Variants in GLIPR2 observed in about 807,000 individuals in gnomAD.
The protein encoded by GLIPR2 is GLI pathogenesis related 2.
Under a neutral mutation model 20.4 loss-of-function variants are expected in GLIPR2, and 21 were observed. The ratio of observed to expected loss-of-function variants is 1.03; its 90% confidence interval spans 0.73 to 1.48. The LOEUF is 1.48. Among genes scored for constraint, GLIPR2 ranks in the 40% most tolerant of loss-of-function variants. The probability of loss-of-function intolerance (pLI) is 0.00; values close to 1 mark genes in which losing one functional copy is unlikely to be tolerated. For missense variants in GLIPR2, 205 were observed against 200.1 expected, an observed-to-expected ratio of 1.02 and a Z score of -0.15; for synonymous variants, 91 against 80.5, an observed-to-expected ratio of 1.13 and a Z score of -0.70.
chr9:36,147,967 G>A lies in GLIPR2; in HGVS notation c.122+73G>A, dbSNP rs1563882437. 3.7e-6 allele frequency: 3 copies of A among 800,142 alleles called. No homozygotes were observed. The Admixed American group carries it at 5.1e-5, about 14-fold the overall frequency. 49.6% of individuals were successfully genotyped at this position (800,142 alleles called of 1,614,324 possible). On this transcript the variant is annotated intron_variant, in intron 2 of 4. Coordinates refer to ENST00000377960, the MANE Select transcript of GLIPR2 (RefSeq NM_022343.4). ...ACTGCAGTCACAAAGGGGCCCTGTGGCCAGGCACGATGGCTCACACCTGTA... is the reference window on the plus strand; with the variant it reads ...ACTGCAGTCACAAAGGGGCCCTGTGACCAGGCACGATGGCTCACACCTGTA...
intron 1 of GLIPR2, among the ~76,000 whole-genome samples, chr9:36,141,014 G>C (rs1225333184): frequency 6.6e-6 from 1 of 152,198 alleles, no homozygotes; most frequent in Non-Finnish European, 1.5e-5. Context: ...TGACCCGGAA[G>C]GAGCAGGAAC....
chr9:36,150,552 G>A (rs534097063), intron 3 of GLIPR2, among the ~76,000 whole-genome samples: 4 of 152,338 alleles, frequency 2.6e-5, no homozygotes, highest in South Asian at 2.1e-4. Context: ...TCATTGTACA[G>A]AGGCCCAGAG....
intron 3 of GLIPR2, among the ~76,000 whole-genome samples, chr9:36,150,575 G>C (rs1825532375): frequency 6.6e-6 from 1 of 152,196 alleles, no homozygotes; most frequent in South Asian, 2.1e-4. Context: ...GGAAGGCTTT[G>C]CCCAGGATTA....
chr9:36,141,555 T>G (rs1277205490), intron 1 of GLIPR2, among the ~76,000 whole-genome samples: 1 of 152,160 alleles, frequency 6.6e-6, no homozygotes, highest in African/African-American at 2.4e-5. Flanking sequence ...CAGGCTGGGC[T>G]CAGGGAGGCC....
chr9:36,151,835 G>A (rs80088314), intron 4 of GLIPR2, among the ~76,000 whole-genome samples: 1,556 of 152,308 alleles, frequency 0.01, 11 homozygotes, highest in Non-Finnish European at 0.016. Flanking sequence ...CGACTCAGGC[G>A]TCTGGGGCCC....
chr9:36,145,721 A>ATG (rs1460564645), intron 1 of GLIPR2, among the ~76,000 whole-genome samples: 1 of 151,692 alleles, frequency 6.6e-6, no homozygotes, highest in East Asian at 1.9e-4. Context: ...TGTTGGATGG[A>ATG]TGTATAGATG....
rs1826117175 is a variant in GLIPR2, at chr9:36,162,818, T to A, written c.*296T>A. 1.1e-5 allele frequency: 5 copies of A among 476,146 alleles called. No individual in the cohort carries two copies. Among genetic ancestry groups the A allele is most frequent in the Non-Finnish European group, 2.0e-5 (5 of 255,888 alleles). 29.5% of individuals were successfully genotyped at this position (476,146 alleles called of 1,614,324 possible). A position where few individuals can be genotyped will look rare whatever the true frequency, so the allele number is the denominator to read the frequency against. ...ATTTTTTGTTATTTCTAAGCAAACC[T>A]CTTTTGTACTTTTCTTACTTCTAAT... On this transcript the variant is annotated 3_prime_UTR_variant, in exon 5 of 5. Transcript: ENST00000377960.
chr9:36,154,923 G>T (rs1197774950), intron 4 of GLIPR2, among the ~76,000 whole-genome samples: 1 of 152,224 alleles, frequency 6.6e-6, no homozygotes, highest in Non-Finnish European at 1.5e-5. Flanking sequence ...CAAGCATGTG[G>T]TCTCCTGTGA....
chr9:36,152,950 T>C (rs1383151068), intron 4 of GLIPR2, among the ~76,000 whole-genome samples: 2 of 41,372 alleles, frequency 4.8e-5, no homozygotes, highest in South Asian at 1.3e-3. Context: ...CTACTGAAAG[T>C]GCAAAAAAAA....
At chr9:36,145,388 C>T (rs1236632725) in intron 1 of GLIPR2, among the ~76,000 whole-genome samples, 1 of 152,190 alleles carries the variant, frequency 6.6e-6, no homozygotes, top group Non-Finnish European at 1.5e-5. Context: ...CATCTTGGCA[C>T]CTATCACATG....
intron 1 of GLIPR2, among the ~76,000 whole-genome samples, chr9:36,147,209 C>T (rs1045249753): frequency 3.3e-5 from 5 of 152,184 alleles, no homozygotes; most frequent in Admixed American, 1.3e-4. Flanking sequence ...GTCCTTCCCT[C>T]GTCTCTTTGT....
Position 36,162,462 on chromosome 9 carries a change from A to G in GLIPR2, c.405A>G (p.Pro135=). 6.2e-7 allele frequency: 1 copy of G among 1,614,158 alleles called. No individual in the cohort carries two copies. Among genetic ancestry groups the G allele is most frequent in the Non-Finnish European group, 8.5e-7 (1 of 1,180,032 alleles). ...GSSFVVARYF[P]AGNVVNEGFF... The stretch of plus-strand genomic sequence containing the variant: ...CCTTTGTGGTGGCCAGATACTTCCC[A>G]GCGGGGAATGTTGTCAATGAGGGCT... Residue 135 remains proline (P), a synonymous_variant, in exon 5 of 5, where the codon CCA becomes CCG. Coordinates refer to ENST00000377960, the MANE Select transcript of GLIPR2 (RefSeq NM_022343.4).
intron 4 of GLIPR2, among the ~76,000 whole-genome samples, chr9:36,157,713 C>T (rs10814341): frequency 0.17 from 17,696 of 106,512 alleles, 1,195 homozygotes; most frequent in South Asian, 0.28. Context: ...CACACACACA[C>T]ATATATATAT....
chr9:36,162,186 AAAG>A, intron 4 of GLIPR2, 173 bp from the exon 5 acceptor site: 3 of 1,490,264 alleles, frequency 2.0e-6, no homozygotes, highest in East Asian at 2.5e-5. Context: ...GGGGAAAAAA[AAAG>A]AAGTCAGGCA....
intron 4 of GLIPR2, among the ~76,000 whole-genome samples, chr9:36,155,671 AC>A (rs1825798357): frequency 6.6e-6 from 1 of 152,180 alleles, no homozygotes; most frequent in African/African-American, 2.4e-5. Context: ...TTCAGTCCTT[AC>A]CATACACAGG....
chr9:36,154,102 C>T (rs1372995295), intron 4 of GLIPR2, among the ~76,000 whole-genome samples: 7 of 51,452 alleles, frequency 1.4e-4, no homozygotes, highest in East Asian at 3.4e-4. Context: ...TATATCTTTT[C>T]CCCCCCCCTT....
chr9:36,152,952 C>CAAAAAAAAAAA (rs67296666), intron 4 of GLIPR2, among the ~76,000 whole-genome samples: 1 of 14,008 alleles, frequency 7.1e-5, no homozygotes, highest in Non-Finnish European at 1.2e-4. Flanking sequence ...ACTGAAAGTG[C>CAAAAAAAAAAA]AAAAAAAAAA....
Position 36,158,222 on chromosome 9 carries a change from T to C in GLIPR2, c.305-4140T>C, listed in dbSNP as rs376778143. Among the ~76,000 whole-genome samples the C allele has an allele frequency of 4.8e-4, 73 of 152,366 alleles. 1 individual carries two copies. In the South Asian group the frequency reaches 0.014, roughly 29 times the overall value. On this transcript the variant is annotated intron_variant, in intron 4 of 4. Transcript: ENST00000377960. The stretch of plus-strand genomic sequence containing the variant: ...TTTGGGTATATACCTAGAAGTGGAA[T>C]TGCTGAGTCATTGCAATTCTGTTTA...
chr9:36,153,010 C>T (rs1825667525), intron 4 of GLIPR2, among the ~76,000 whole-genome samples: 1 of 139,920 alleles, frequency 7.1e-6, no homozygotes, highest in Non-Finnish European at 1.5e-5. Flanking sequence ...TGTCTGTAAT[C>T]CCAGCTACTC....
Sources: allele counts gnomAD v4.1 joint callset (sites outside exome capture counted in the v4.1 genomes callset), GRCh38; gene constraint gnomAD v4.1.1; transcripts MANE v1.5; gene names NCBI Gene and HGNC (gene_info 2026-07-23, HGNC 2026-07-21).